Variants in OFD1 observed in about 807,000 individuals in gnomAD.
OFD1 encodes the protein centriole and centriolar satellite protein OFD1.
In OFD1, 12 loss-of-function variants were observed where a neutral mutation model predicts 81.4. The ratio of observed to expected loss-of-function variants is 0.15; its 90% CI spans 0.09 to 0.24. The LOEUF (loss-of-function observed/expected upper bound fraction) is 0.24. Ranked by LOEUF, OFD1 falls within the 10% of genes least tolerant of loss-of-function variation. OFD1 has a pLI of 1.00. For synonymous variants in OFD1, 256 were observed against 263.7 expected, an observed-to-expected ratio of 0.97 and a Z score of 0.28; for missense variants, 685 against 733.9, an observed-to-expected ratio of 0.93 and a Z score of 0.77.
intron 3 of OFD1, 134 bp from the exon 4 acceptor site, chrX:13,738,712 G>T: frequency 2.2e-6 from 1 of 460,712 alleles, no homozygotes. Flanking sequence ...CTTGAAATTT[G>T]CTTTATTAGC....
At chrX:13,716,732 T>C in the OFD1 span, 2 of 1,158,481 alleles carry the variant, frequency 1.7e-6, no homozygotes, top group Non-Finnish European at 2.4e-6. Context: ...GCATCGAGAA[T>C]GCTGACATTT....
At chrX:13,753,503 A>G in intron 11 of OFD1, 62 bp downstream of exon 11, 7 of 1,081,352 alleles carry the variant, frequency 6.5e-6, no homozygotes, top group Non-Finnish European at 9.0e-6. Context: ...TTAGCTTCCC[A>G]AGTTGGGTCT....
At chrX:13,745,325 G>T (rs1181952581) in intron 6 of OFD1, among the ~76,000 whole-genome samples, 1 of 111,836 alleles carries the variant, frequency 8.9e-6, no homozygotes, top group East Asian at 2.8e-4. Context: ...AAAAAGAAAC[G>T]GGTGAAATTT....
intron 14 of OFD1, 40 bp from the exon 15 acceptor site, chrX:13,758,293 ATTTG>A: frequency 2.2e-6 from 2 of 924,122 alleles, no homozygotes; most frequent in Non-Finnish European, 3.1e-6. Flanking sequence ...GCAAGCTGTG[ATTTG>A]TTTTACATTG....
In OFD1 at chrX:13,734,791, T is replaced by C; in HGVS notation, c.-281T>C. On this transcript the variant is annotated 5_prime_UTR_variant, in exon 1 of 23. Transcript: ENST00000340096. ...CTGCCTCGCTGCCTTCAGTCCCTAG[T>C]GTCTGGGTCCCCGCCCTCCAGCCGC... is the stretch of plus-strand genomic sequence containing the variant. 1.9e-6 allele frequency: 2 copies of C among 1,070,421 alleles called. No homozygotes were observed. The highest frequency in any genetic ancestry group is 2.4e-6 in the Non-Finnish European group (2 of 832,532). The allele number at this position is 1,070,421 out of a possible 1,213,427, so 88.2% of individuals were successfully genotyped here.
chrX:13,741,205 A>T (rs1348780924), intron 5 of OFD1, among the ~76,000 whole-genome samples: 1 of 112,267 alleles, frequency 8.9e-6, no homozygotes, highest in African/African-American at 3.2e-5. Flanking sequence ...CATCTGGCCG[A>T]CAGCCCTTAC....
upstream of OFD1, chrX:13,734,613 G>A: frequency 3.8e-6 from 3 of 791,803 alleles, no homozygotes; most frequent in African/African-American, 4.3e-5. Context: ...CGCCGAAGCA[G>A]TTCTCGCGAT....
chrX:13,769,290 C>T lies in OFD1; in HGVS notation c.*182C>T, dbSNP rs1036201794. 8.1e-5 allele frequency: 36 copies of T among 446,178 alleles called. No homozygotes were observed. The highest frequency in any genetic ancestry group is 4.4e-4 in the African/African-American group (18 of 40,808). 36.8% of individuals were successfully genotyped at this position (446,178 alleles called of 1,213,427 possible). A position where few individuals can be genotyped will look rare whatever the true frequency, so the allele number is the denominator to read the frequency against. Reference sequence around the variant, plus strand: ...GTGTGAACCAAGAATAATCTAGTCACGTGAAACCTCTTCTCCAGTCATAGT... The same window carrying T: ...GTGTGAACCAAGAATAATCTAGTCATGTGAAACCTCTTCTCCAGTCATAGT... On this transcript the variant is annotated 3_prime_UTR_variant, in exon 23 of 23. Transcript: ENST00000340096.
chrX:13,736,200 A>C, intron 2 of OFD1: 2 of 919,486 alleles, frequency 2.2e-6, no homozygotes, highest in South Asian at 3.2e-5. Context: ...AAGTGAAGTT[A>C]TGAGTCTGCA....
At chrX:13,733,074 T>C (rs140080473), upstream of OFD1, among the ~76,000 whole-genome samples, 3,608 of 112,001 alleles carry the variant, frequency 0.032, 299 homozygotes, top group East Asian at 0.25. Context: ...GAACATTTTA[T>C]CTAATTATAT....
At chrX:13,720,491 C>A in the OFD1 span, 2 of 112,579 alleles carry the variant, frequency 1.8e-5, no homozygotes, top group Middle Eastern at 4.6e-3. Context: ...TACCTCATGT[C>A]ACTTACCTAG....
At chrX:13,771,970 A>G (rs2048307072), downstream of OFD1, 1 of 112,541 alleles carries the variant, frequency 8.9e-6, no homozygotes, top group Admixed American at 9.5e-5. Flanking sequence ...TATCCAGACC[A>G]CTGAAAAATG....
chrX:13,732,555 T>C (rs1341452919), upstream of OFD1, among the ~76,000 whole-genome samples: 2 of 112,768 alleles, frequency 1.8e-5, no homozygotes. Flanking sequence ...ATTATCCATG[T>C]CTGCTATGAA....
chrX:13,736,482 A>T lies in OFD1; in HGVS notation c.116A>T (p.Gln39Leu). Residue 39 changes from glutamine to leucine, a missense_variant, in exon 3 of 23, where the codon CAA (glutamine) becomes CTA (leucine). Transcript: ENST00000340096. ...TTTGTTTTTATTTTATGCTAGACAC[A>T]ACTTCGAAACCAGCTAATTCATGAG... ...DRGILDTLKT[Q>L]LRNQLIHELM... The T allele has an allele frequency of 4.1e-6, 5 of 1,210,209 alleles. No homozygotes were observed. The highest frequency in any genetic ancestry group is 4.5e-6 in the Non-Finnish European group (4 of 894,122).
chrX:13,722,208 C>CAGAAAAAAAAA, the OFD1 span: 3 of 36,116 alleles, frequency 8.3e-5, no homozygotes, highest in Non-Finnish European at 1.5e-4. Flanking sequence ...TAAGCAGCAG[C>CAGAAAAAAAAA]AAAAAAAAAA....
Position 13,763,845 on chromosome X carries a change from TC to T in OFD1, c.2590del (p.Gln864SerfsTer5). On this transcript the variant is annotated frameshift_variant, in exon 19 of 23. Coordinates refer to ENST00000340096, the MANE Select transcript of OFD1 (RefSeq NM_003611.3). LOFTEE classifies it high-confidence loss of function. Reference protein sequence around the residue: ...AAAAAVPLSYQHPSVDQKQIE... With the variant: ...AAAAAVPLSYXHPSVDQKQIE... ...CTGCAGCTGCTGTGCCCCTCTCATA[TC>T]AGCACCCAAGTAAGTTCTTTTTTTG... 8.3e-7 allele frequency: 1 copy of T among 1,203,134 alleles called. No individual in the cohort carries two copies.
downstream of OFD1, chrX:13,772,632 A>G (rs2048322096): frequency 1.6e-5 from 5 of 316,280 alleles, no homozygotes; most frequent in Non-Finnish European, 1.7e-5. Flanking sequence ...TTCCCAAAGT[A>G]TGAACGATCA....
At position 13,769,186 on chromosome X, in the gene OFD1, A is replaced by G. The variant is rs1163587197; in HGVS notation, c.*78A>G. The G allele has an allele frequency of 1.2e-6, 1 of 801,693 alleles. No homozygotes were observed. The highest frequency in any genetic ancestry group is 2.2e-5 in the South Asian group (1 of 46,224). 66.1% of individuals were successfully genotyped at this position (801,693 alleles called of 1,213,427 possible). A position where few individuals can be genotyped will look rare whatever the true frequency, so the allele number is the denominator to read the frequency against. On this transcript the variant is annotated 3_prime_UTR_variant, in exon 23 of 23. Coordinates refer to ENST00000340096, the MANE Select transcript of OFD1 (RefSeq NM_003611.3). ...TTTACTCCTTTGTAAATGTTTCCCT[A>G]TCATCAGACAAAACTCAATAAAAAT...
At chrX:13,768,361 G>T in intron 21 of OFD1, 137 bp downstream of exon 21, 1 of 533,947 alleles carries the variant, frequency 1.9e-6, no homozygotes, top group South Asian at 2.8e-5. Flanking sequence ...AAGTTCAAAT[G>T]GAACCTTGAG....
Sources: allele counts gnomAD v4.1 joint callset (sites outside exome capture counted in the v4.1 genomes callset), GRCh38; gene constraint gnomAD v4.1.1; transcripts MANE v1.5; gene names NCBI Gene and HGNC (gene_info 2026-07-23, HGNC 2026-07-21).